Variants in KCNH8 observed in about 807,000 individuals in gnomAD.
KCNH8 encodes the protein voltage-gated delayed rectifier potassium channel KCNH8.
KCNH8 carries 70 observed loss-of-function variants against 103.6 expected under a neutral mutation model. The observed-to-expected ratio is 0.68, with a 90% CI of 0.56 to 0.82. The LOEUF (loss-of-function observed/expected upper bound fraction) is 0.82, where lower values mean the gene tolerates loss of function less well. KCNH8 is among the 40% of genes least tolerant of loss of function. The pLI is 0.00. For synonymous variants in KCNH8, 498 were observed against 489.4 expected (o/e 1.02, Z -0.23); for missense variants, 1,217 against 1,329.9 (o/e 0.92, Z 1.32).
intron 7 of KCNH8, among the ~76,000 whole-genome samples, chr3:19,408,930 A>T (rs915766330): frequency 6.6e-6 from 1 of 152,170 alleles, no homozygotes; most frequent in African/African-American, 2.4e-5. Flanking sequence ...AAAGCGAATA[A>T]CCTGGAAAAT....
intron 7 of KCNH8, among the ~76,000 whole-genome samples, chr3:19,433,550 T>C (rs532013508): frequency 1.3e-3 from 195 of 152,308 alleles, no homozygotes; most frequent in South Asian, 1.7e-3. Context: ...CTGAATTCTA[T>C]GAAGGATCAC....
chr3:19,533,412 G>T lies in KCNH8; in HGVS notation c.2637G>T (p.Gln879His). Residue 879 changes from glutamine to histidine, a missense_variant, in exon 16 of 16, where the codon CAG (glutamine) becomes CAT (histidine). Physicochemically the swap from Gln to His is conservative, Grantham distance 24. Transcript: ENST00000328405. ...KLNSEVTTLT[Q>H]EVSQLGKDMR... ...CCACATAGGTAACAACATTGACTCAGGAAGTTTCTCAGTTGGGTAAAGACA... is the reference window on the plus strand; with the variant it reads ...CCACATAGGTAACAACATTGACTCATGAAGTTTCTCAGTTGGGTAAAGACA... The T allele has an allele frequency of 1.2e-6, 2 of 1,613,756 alleles. No individual in the cohort carries two copies. Among genetic ancestry groups the T allele is most frequent in the Non-Finnish European group, 1.7e-6 (2 of 1,179,640 alleles).
intron 7 of KCNH8, among the ~76,000 whole-genome samples, chr3:19,420,363 T>TG: frequency 6.6e-6 from 1 of 152,320 alleles, no homozygotes; most frequent in East Asian, 1.9e-4. Context: ...CTGCTGCTGA[T>TG]GGTCAGGGAT....
chr3:19,367,599 T>C (rs931862207), intron 5 of KCNH8, among the ~76,000 whole-genome samples: 1 of 151,618 alleles, frequency 6.6e-6, no homozygotes, highest in Non-Finnish European at 1.5e-5. Flanking sequence ...TTCCATCATA[T>C]AATGCATATG....
At chr3:19,282,607 A>C (rs1455231017) in intron 3 of KCNH8, among the ~76,000 whole-genome samples, 2 of 152,144 alleles carry the variant, frequency 1.3e-5, no homozygotes, top group African/African-American at 4.8e-5. Context: ...GAAAGAAGGC[A>C]GTTTGATTAA....
At chr3:19,240,749 T>C (rs1193460350) in intron 1 of KCNH8, among the ~76,000 whole-genome samples, 2 of 152,338 alleles carry the variant, frequency 1.3e-5, no homozygotes, top group East Asian at 3.9e-4. Context: ...TGCAGAGTTT[T>C]TGTTCCATCT....
At chr3:19,208,184 A>G (rs2063735640) in intron 1 of KCNH8, among the ~76,000 whole-genome samples, 1 of 151,920 alleles carries the variant, frequency 6.6e-6, no homozygotes, top group East Asian at 1.9e-4. Context: ...TTAGTCATGT[A>G]CTCTTCTTGT....
rs1253267537 is a variant in KCNH8 at position 19,533,807 on chromosome 3, G to A, written c.3032G>A (p.Cys1011Tyr). Residue 1011 changes from cysteine to tyrosine, a missense_variant, in exon 16 of 16, where the codon TGC (cysteine) becomes TAC (tyrosine). Cys to Tyr is a radical substitution (Grantham distance 194). This residue lies in a region of KCNH8 where 558 missense variants were observed against 495.8 expected (regional missense o/e 1.13). Coordinates refer to ENST00000328405, the MANE Select transcript of KCNH8 (RefSeq NM_144633.3). ...GAAGGTCATTTGCAATTTTTAAGGT[G>A]CATCTCTCCACATTCAGATTCTACG... ...VQEGHLQFLR[C>Y]ISPHSDSTLT... 1 of 1,614,158 alleles carries A rather than the reference G, an allele frequency of 6.2e-7. No individual in the cohort carries two copies. Among genetic ancestry groups the A allele is most frequent in the South Asian group, 1.1e-5 (1 of 91,086 alleles).
intron 3 of KCNH8, among the ~76,000 whole-genome samples, chr3:19,322,681 C>CT (rs1294933157): frequency 2.0e-5 from 3 of 152,144 alleles, no homozygotes; most frequent in Non-Finnish European, 2.9e-5. Flanking sequence ...AGGCAATGAT[C>CT]TTTTTACAAT....
intron 5 of KCNH8, among the ~76,000 whole-genome samples, chr3:19,365,480 A>G (rs1234167032): frequency 1.7e-5 from 2 of 117,396 alleles, no homozygotes; most frequent in Non-Finnish European, 3.7e-5. Context: ...TCATATAATG[A>G]TTATTTAGTT....
chr3:19,531,287 GA>G (rs1023841643), intron 15 of KCNH8, among the ~76,000 whole-genome samples: 1 of 152,172 alleles, frequency 6.6e-6, no homozygotes, highest in Non-Finnish European at 1.5e-5. Context: ...ATCACTTTAA[GA>G]TGGAACCCTT....
intron 3 of KCNH8, among the ~76,000 whole-genome samples, chr3:19,284,546 TGTGTGTGAGGGA>T (rs1257527651): frequency 2.0e-5 from 3 of 147,514 alleles, no homozygotes; most frequent in African/African-American, 7.9e-5. Flanking sequence ...TGTGTGTGTG[TGTGTGTGAGGGA>T]GAGAGAGAGA....
intron 2 of KCNH8, among the ~76,000 whole-genome samples, chr3:19,258,530 CT>C (rs143603147): frequency 6.1e-3 from 930 of 152,122 alleles, no homozygotes; most frequent in Non-Finnish European, 0.011. Context: ...CCCAGTCAGA[CT>C]TTCCAGGAGG....
At chr3:19,503,446 A>G (rs1217634626) in intron 11 of KCNH8, among the ~76,000 whole-genome samples, 1 of 152,176 alleles carries the variant, frequency 6.6e-6, no homozygotes, top group African/African-American at 2.4e-5. Context: ...CCAAAGGACT[A>G]TAAATCATGC....
chr3:19,454,686 T>A (rs76384353), intron 10 of KCNH8, among the ~76,000 whole-genome samples: 2,077 of 152,246 alleles, frequency 0.014, 49 homozygotes, highest in African/African-American at 0.046. Flanking sequence ...TATGTTTTTT[T>A]AAAAACTACT....
At chr3:19,371,719 T>C (rs1011415341) in intron 5 of KCNH8, among the ~76,000 whole-genome samples, 3 of 144,142 alleles carry the variant, frequency 2.1e-5, no homozygotes, top group Admixed American at 6.9e-5. Context: ...GCCTAGGTTT[T>C]CTTCTAGGGT....
chr3:19,467,799 C>T (rs955289001), intron 11 of KCNH8, among the ~76,000 whole-genome samples: 1 of 152,182 alleles, frequency 6.6e-6, no homozygotes. Context: ...GTAGTAACAT[C>T]CAGACTTTTT....
intron 15 of KCNH8, 84 bp from the exon 16 acceptor site, chr3:19,533,311 T>C: frequency 2.5e-6 from 2 of 811,582 alleles, no homozygotes; most frequent in Admixed American, 2.2e-5. Flanking sequence ...GAAAGAAATA[T>C]CACTTCCCTG....
intron 5 of KCNH8, among the ~76,000 whole-genome samples, chr3:19,376,184 G>A (rs969827725): frequency 3.9e-5 from 6 of 152,330 alleles, no homozygotes; most frequent in South Asian, 4.1e-4. Context: ...AATGGCGGGC[G>A]CCCCTCCCCC....
Sources: allele counts gnomAD v4.1 joint callset (sites outside exome capture counted in the v4.1 genomes callset), GRCh38; gene constraint gnomAD v4.1.1; regional missense constraint gnomAD v4.1.1; transcripts MANE v1.5; gene names NCBI Gene and HGNC (gene_info 2026-07-23, HGNC 2026-07-21).